The following MIS18BP1 variants were observed in gnomAD, a reference collection of about 807,000 sequenced individuals.
MIS18BP1 encodes the protein MIS18 binding protein 1.
Under a neutral mutation model 116.1 loss-of-function variants are expected in MIS18BP1, and 72 were observed. The observed-to-expected ratio is 0.62, with a 90% CI of 0.51 to 0.75. The LOEUF (loss-of-function observed/expected upper bound fraction) is 0.75, where lower values mean the gene tolerates loss of function less well. Among genes scored for constraint, MIS18BP1 ranks in the 30% least tolerant of loss-of-function variants. MIS18BP1 has a pLI of 0.00. For synonymous variants in MIS18BP1, 386 were observed against 427.0 expected (o/e 0.90, Z 1.18); for missense variants, 1,363 against 1,303.2 (o/e 1.05, Z -0.71).
At chr14:45,215,632 C>T (rs1406269567) in intron 13 of MIS18BP1, among the ~76,000 whole-genome samples, 1 of 151,344 alleles carries the variant, frequency 6.6e-6, no homozygotes, top group African/African-American at 2.4e-5. Flanking sequence ...AGAATGGTCT[C>T]GATCTCCTGA....
chr14:45,213,263 T>C (rs1890725529), intron 13 of MIS18BP1, among the ~76,000 whole-genome samples: 1 of 152,124 alleles, frequency 6.6e-6, no homozygotes, highest in Admixed American at 6.5e-5. Context: ...ATGGATTTGC[T>C]GCCAGTAACA....
At chr14:45,244,059 CT>C (rs983460080) in intron 2 of MIS18BP1, among the ~76,000 whole-genome samples, 52 of 152,252 alleles carry the variant, frequency 3.4e-4, no homozygotes, top group African/African-American at 1.2e-3. Context: ...CCCAAACTCC[CT>C]TAGAAAACTC....
At chr14:45,232,986 C>T (rs913827470) in intron 6 of MIS18BP1, among the ~76,000 whole-genome samples, 166 bp from the exon 7 acceptor site, 1 of 152,142 alleles carries the variant, frequency 6.6e-6, no homozygotes, top group African/African-American at 2.4e-5. Context: ...GACAAAAACT[C>T]CTATCCTCAT....
At chr14:45,226,542 C>T (rs1395257498) in intron 10 of MIS18BP1, among the ~76,000 whole-genome samples, 1 of 152,072 alleles carries the variant, frequency 6.6e-6, no homozygotes, top group Admixed American at 6.5e-5. Context: ...GAAGGCAAAC[C>T]TGTAAGTATA....
intron 14 of MIS18BP1, chr14:45,206,479 G>T: frequency 4.6e-6 from 1 of 219,738 alleles, no homozygotes; most frequent in Non-Finnish European, 9.0e-6. Context: ...TAAGAGACAG[G>T]GTTTCACCAC....
intron 14 of MIS18BP1, among the ~76,000 whole-genome samples, chr14:45,207,619 C>A (rs141035815): frequency 7.9e-4 from 120 of 152,272 alleles, no homozygotes; most frequent in African/African-American, 2.7e-3. Flanking sequence ...CCACTGCTCT[C>A]CAACCTGAGC....
chr14:45,250,975 T>G (rs1891856309), intron 1 of MIS18BP1, among the ~76,000 whole-genome samples: 1 of 145,776 alleles, frequency 6.9e-6, no homozygotes, highest in Non-Finnish European at 1.5e-5. Flanking sequence ...AGGCGGAGCT[T>G]GCAGTGAGCC....
intron 11 of MIS18BP1, among the ~76,000 whole-genome samples, chr14:45,222,532 T>G (rs1347211795): frequency 6.6e-6 from 1 of 152,218 alleles, no homozygotes; most frequent in South Asian, 2.1e-4. Flanking sequence ...ACGTTCAGTC[T>G]ACTATCATTG....
chr14:45,241,973 T>G (rs933287352), intron 4 of MIS18BP1, 61 bp downstream of exon 4: 9 of 1,500,346 alleles, frequency 6.0e-6, no homozygotes, highest in Non-Finnish European at 8.0e-6. Flanking sequence ...CATTAAAAGC[T>G]CAAGCTCTTG....
chr14:45,251,934 T>G (rs1248782215), intron 1 of MIS18BP1, among the ~76,000 whole-genome samples: 1 of 152,232 alleles, frequency 6.6e-6, no homozygotes, highest in Non-Finnish European at 1.5e-5. Flanking sequence ...TATAGAAACA[T>G]CTGCGTAAGA....
rs1252964 is a variant in MIS18BP1 at position 45,245,130 on chromosome 14, C to T, written c.544+1613G>A. On this transcript the variant is annotated intron_variant, in intron 2 of 16. Transcript: ENST00000310806. ...TCACATTATCTCTTGAACCCTTTCACGCAATGTTTTCGTTGCTACCATTCC... is the reference window on the plus strand; with the variant it reads ...TCACATTATCTCTTGAACCCTTTCATGCAATGTTTTCGTTGCTACCATTCC... 7.3e-3 allele frequency among the ~76,000 whole-genome samples: 1,108 copies of T among 152,290 alleles called. 23 individuals are homozygous for T. Among genetic ancestry groups the T allele is most frequent in the African/African-American group, 0.025 (1,053 of 41,540 alleles).
At chr14:45,230,711 C>G (rs1891249539) in intron 8 of MIS18BP1, among the ~76,000 whole-genome samples, 1 of 152,150 alleles carries the variant, frequency 6.6e-6, no homozygotes, top group South Asian at 2.1e-4. Context: ...CCTCAACCAT[C>G]TGAGCTCAAG....
chr14:45,222,308 C>T (rs1047297999), intron 11 of MIS18BP1, among the ~76,000 whole-genome samples: 3 of 152,166 alleles, frequency 2.0e-5, no homozygotes, highest in Non-Finnish European at 2.9e-5. Context: ...CACTTCTCTT[C>T]TTCTTTGCCT....
intron 13 of MIS18BP1, among the ~76,000 whole-genome samples, chr14:45,211,844 A>C (rs1008856811): frequency 3.9e-5 from 6 of 152,196 alleles, no homozygotes; most frequent in Non-Finnish European, 7.3e-5. Flanking sequence ...TGTCTTGCAG[A>C]ACCTCCTTTT....
intron 13 of MIS18BP1, among the ~76,000 whole-genome samples, chr14:45,211,191 C>T (rs542995854): frequency 1.2e-3 from 178 of 152,274 alleles, no homozygotes; most frequent in African/African-American, 4.1e-3. Flanking sequence ...TTTACCTAGA[C>T]GCTTTTTAAG....
At chr14:45,214,078 T>C (rs559570879) in intron 13 of MIS18BP1, among the ~76,000 whole-genome samples, 1 of 152,310 alleles carries the variant, frequency 6.6e-6, no homozygotes, top group South Asian at 2.1e-4. Flanking sequence ...CCCCATGTGA[T>C]AGCCTGAGAT....
At chr14:45,216,997 A>G in intron 13 of MIS18BP1, 22 bp downstream of exon 13, 1 of 1,608,280 alleles carries the variant, frequency 6.2e-7, no homozygotes, top group Non-Finnish European at 8.5e-7. Context: ...GATAAGGAAA[A>G]CAATGATTTC....
chr14:45,226,829 A>G lies in MIS18BP1; in HGVS notation c.1754T>C (p.Ile585Thr), dbSNP rs778316805. The change falls in exon 10 of 17, where the codon ATT becomes ACT. Residue 585 changes from isoleucine (I) to threonine (T), a missense_variant. Physicochemically the swap from Ile to Thr is moderately conservative, Grantham distance 89. Coordinates refer to ENST00000310806, the MANE Select transcript of MIS18BP1 (RefSeq NM_018353.5). ...GGDDLSNQEL[I>T]GKKEYKMSSK... Reference sequence around the variant, plus strand: ...AGACATTTTATATTCTTTTTTTCCAATTAATTCCTTCAAAACAAAAAGATA... The same window carrying G: ...AGACATTTTATATTCTTTTTTTCCAGTTAATTCCTTCAAAACAAAAAGATA... The G allele has an allele frequency of 2.2e-6, 3 of 1,380,168 alleles. No homozygotes were observed. The highest frequency in any genetic ancestry group is 3.4e-5 in the Admixed American group (1 of 29,736). The allele number at this position is 1,380,168 out of a possible 1,614,324, so 85.5% of individuals were successfully genotyped here. A position where few individuals can be genotyped will look rare whatever the true frequency, so the allele number is the denominator to read the frequency against.
chr14:45,218,079 A>T (rs1890871644), intron 12 of MIS18BP1, among the ~76,000 whole-genome samples: 1 of 152,212 alleles, frequency 6.6e-6, no homozygotes, highest in South Asian at 2.1e-4. Context: ...TCGAAGCACA[A>T]GGCTACTAAA....
Sources: gnomAD v4.1 joint callset for allele counts (sites outside exome capture counted in the v4.1 genomes callset) on GRCh38, gnomAD v4.1.1 for gene constraint, MANE v1.5 for transcripts, NCBI Gene and HGNC (gene_info 2026-07-23, HGNC 2026-07-21) for gene names.